TMEM131L: variants seen among roughly 807,000 people sequenced by gnomAD.
TMEM131L encodes transmembrane protein 131-like.
TMEM131L carries 54 observed loss-of-function variants against 192.2 expected under a neutral mutation model. The ratio of observed to expected loss-of-function variants is 0.28; its 90% CI spans 0.23 to 0.35. The LOEUF is 0.35. Ranked by LOEUF, TMEM131L falls within the 10% of genes least tolerant of loss-of-function variation. The pLI, the probability that TMEM131L is intolerant of heterozygous loss-of-function variation, is 1.00. For missense variants in TMEM131L, 1,888 were observed against 1,972.9 expected (o/e 0.96, Z 0.82); for synonymous variants, 701 against 704.9 (o/e 0.99, Z 0.09).
chr4:153,573,782 T>C (rs1729751198), intron 7 of TMEM131L, among the ~76,000 whole-genome samples: 7 of 152,190 alleles, frequency 4.6e-5, no homozygotes, highest in Admixed American at 4.6e-4. Context: ...TGAAGTGTTT[T>C]AGGGGAAAAA....
At chr4:153,518,750 G>A (rs533540560) in intron 3 of TMEM131L, among the ~76,000 whole-genome samples, 5 of 152,260 alleles carry the variant, frequency 3.3e-5, no homozygotes, top group South Asian at 2.1e-4. Flanking sequence ...TCAATAGCCC[G>A]ACTTGGTGCT....
intron 2 of TMEM131L, among the ~76,000 whole-genome samples, chr4:153,469,312 G>GACACACACACACACACAC (rs1336673112): frequency 2.5e-5 from 2 of 80,360 alleles, no homozygotes; most frequent in African/African-American, 2.5e-4. Flanking sequence ...AAGGGTAAGG[G>GACACACACACACACACAC]AGACACACAC....
chr4:153,531,910 C>G (rs1043133547), intron 3 of TMEM131L, among the ~76,000 whole-genome samples: 9 of 152,226 alleles, frequency 5.9e-5, no homozygotes, highest in Non-Finnish European at 1.2e-4. Context: ...CACCTCCCCA[C>G]CAAACCCCAG....
chr4:153,583,700 T>G (rs757251127), intron 11 of TMEM131L, 28 bp downstream of exon 11: 3 of 1,301,378 alleles, frequency 2.3e-6, no homozygotes, highest in Non-Finnish European at 3.3e-6. Context: ...GATTGTCATT[T>G]GACTTTTGTT....
intron 7 of TMEM131L, among the ~76,000 whole-genome samples, chr4:153,562,587 G>A (rs1180749615): frequency 6.6e-6 from 1 of 152,170 alleles, no homozygotes; most frequent in African/African-American, 2.4e-5. Flanking sequence ...CTGTTGTCAA[G>A]AGCCCATTGT....
At chr4:153,489,091 A>G (rs963346619) in intron 3 of TMEM131L, among the ~76,000 whole-genome samples, 2 of 152,136 alleles carry the variant, frequency 1.3e-5, no homozygotes, top group African/African-American at 4.8e-5. Flanking sequence ...TTGACATATC[A>G]TGTTGGGGTT....
chr4:153,621,602 A>G (rs562572277), intron 27 of TMEM131L, 81 bp from the exon 28 acceptor site: 4 of 1,431,004 alleles, frequency 2.8e-6, no homozygotes, highest in South Asian at 1.2e-5. Flanking sequence ...TTCACCTCTA[A>G]TAAGTGTCAT....
chr4:153,605,508 C>T (rs1005573066), intron 25 of TMEM131L, among the ~76,000 whole-genome samples: 1 of 152,194 alleles, frequency 6.6e-6, no homozygotes, highest in Non-Finnish European at 1.5e-5. Context: ...GCTGGGACTA[C>T]GGGCACATGC....
At chr4:153,628,066 T>C (rs1733972329) in intron 31 of TMEM131L, among the ~76,000 whole-genome samples, 1 of 151,346 alleles carries the variant, frequency 6.6e-6, no homozygotes, top group Non-Finnish European at 1.5e-5. Context: ...GATTGGGGAG[T>C]GTGCCTAGGC....
chr4:153,578,915 C>T (rs1413529934), intron 7 of TMEM131L, among the ~76,000 whole-genome samples: 1 of 152,068 alleles, frequency 6.6e-6, no homozygotes, highest in African/African-American at 2.4e-5. Context: ...ACCTCGGCCT[C>T]CCAAAGTGCT....
At position 153,564,659 on chromosome 4, in the gene TMEM131L, TCTC is replaced by T. The variant is rs1374562036; in HGVS notation, c.660+6297_660+6299del. ...GTGGGTCTGAATGACAGGCTGAGGC[TCTC>T]CTCCTTTTGTTGCATTCTTCTTGTT... On this transcript the variant is annotated intron_variant, in intron 7 of 34. Coordinates refer to ENST00000409959, the MANE Select transcript of TMEM131L (RefSeq NM_001131007.2). Among the ~76,000 whole-genome samples, 4 of 152,272 alleles carry T rather than the reference TCTC, an allele frequency of 2.6e-5. No homozygotes were observed. In the South Asian group the frequency reaches 8.3e-4, roughly 32 times the overall value.
rs143948772 is a variant in TMEM131L, at chr4:153,636,354, C to T, written c.4611C>T (p.Ser1537=). The change falls in exon 35 of 35, where the codon TCC becomes TCT. Residue 1537 remains serine (S), a synonymous_variant. Transcript: ENST00000409959. ...SLSPMSGLFG[S]IWAPQSDVYE... is the part of the protein sequence containing the mutation. ...CTCCAATGTCTGGACTTTTTGGTTC[C>T]ATCTGGGCCCCGCAAAGCGATGTGT... is the stretch of plus-strand genomic sequence containing the variant. 65 of 1,614,102 alleles carry T rather than the reference C, an allele frequency of 4.0e-5. No individual in the cohort carries two copies. Among genetic ancestry groups the T allele is most frequent in the East Asian group, 2.2e-5 (1 of 44,882 alleles).
chr4:153,547,229 C>T (rs1366719412), intron 3 of TMEM131L, among the ~76,000 whole-genome samples: 1 of 152,130 alleles, frequency 6.6e-6, no homozygotes, highest in Admixed American at 6.5e-5. Context: ...CTATTTCTGC[C>T]ATATTACTCT....
At position 153,506,734 on chromosome 4, in the gene TMEM131L, TCAG is replaced by T. The variant is rs1312726659; in HGVS notation, c.239+32847_239+32849del. On this transcript the variant is annotated intron_variant, in intron 3 of 34. Transcript: ENST00000409959. ...GGCACATGCTTGTAATCCCAGCTAC[TCAG>T]GAGGCTGAGGCAGGAGAATCGCTTG... Among the ~76,000 whole-genome samples, 5 of 150,042 alleles carry T rather than the reference TCAG, an allele frequency of 3.3e-5. No homozygotes were observed. In the Admixed American group the frequency reaches 3.4e-4, roughly 10 times the overall value.
intron 14 of TMEM131L, 31 bp downstream of exon 14, chr4:153,586,410 A>T: frequency 6.7e-7 from 1 of 1,493,920 alleles, no homozygotes; most frequent in Non-Finnish European, 9.0e-7. Context: ...TGTGTGTTAC[A>T]GTTTTCTTAA....
At chr4:153,471,653 G>A (rs778828297) in intron 2 of TMEM131L, among the ~76,000 whole-genome samples, 1 of 152,198 alleles carries the variant, frequency 6.6e-6, no homozygotes, top group Non-Finnish European at 1.5e-5. Flanking sequence ...GCTCACTCCT[G>A]ATGCCCCTTG....
At chr4:153,537,520 C>T (rs1477620993) in intron 3 of TMEM131L, among the ~76,000 whole-genome samples, 1 of 152,166 alleles carries the variant, frequency 6.6e-6, no homozygotes, top group Non-Finnish European at 1.5e-5. Flanking sequence ...TTATGCCTCC[C>T]CTTTTTTGAC....
chr4:153,548,323 C>T (rs1322697991), intron 3 of TMEM131L, among the ~76,000 whole-genome samples: 10 of 152,116 alleles, frequency 6.6e-5, no homozygotes, highest in Non-Finnish European at 8.8e-5. Flanking sequence ...TTTTTTGAGA[C>T]GGAGTCTCGC....
chr4:153,486,956 TC>T (rs1561122484), intron 3 of TMEM131L, among the ~76,000 whole-genome samples: 1 of 151,888 alleles, frequency 6.6e-6, no homozygotes, highest in Non-Finnish European at 1.5e-5. Flanking sequence ...AAATGAGCGG[TC>T]TAGGGCAGTG....
Sources: gnomAD v4.1 joint callset for allele counts (sites outside exome capture counted in the v4.1 genomes callset) on GRCh38, gnomAD v4.1.1 for gene constraint, MANE v1.5 for transcripts, NCBI Gene and HGNC (gene_info 2026-07-23, HGNC 2026-07-21) for gene names.